RPS6KA3: variants seen among roughly 807,000 people sequenced by gnomAD.
The protein encoded by RPS6KA3 is ribosomal protein S6 kinase A3.
RPS6KA3 carries 4 observed loss-of-function variants against 67.2 expected under a neutral mutation model. The ratio of observed to expected loss-of-function variants is 0.06; its 90% CI spans 0.03 to 0.14. The LOEUF is 0.14. Among genes scored for constraint, RPS6KA3 ranks in the 10% least tolerant of loss-of-function variants. The pLI, the probability that RPS6KA3 is intolerant of heterozygous loss-of-function variation, is 1.00. For missense variants in RPS6KA3, 204 were observed against 559.0 expected (o/e 0.36, Z 6.40); for synonymous variants, 182 against 183.7 (o/e 0.99, Z 0.07).
chrX:20,222,063 G>A (rs1203839554), intron 2 of RPS6KA3, among the ~76,000 whole-genome samples: 1 of 112,812 alleles, frequency 8.9e-6, no homozygotes, highest in Non-Finnish European at 1.9e-5. Context: ...GCCGAGTTGA[G>A]TATTTGCAAG....
intron 2 of RPS6KA3, among the ~76,000 whole-genome samples, chrX:20,225,130 G>A (rs1353626167): frequency 1.8e-5 from 2 of 110,233 alleles, no homozygotes; most frequent in Non-Finnish European, 3.8e-5. Context: ...CACTGAAACT[G>A]AAGGAATGGG....
At chrX:20,230,596 A>G (rs2069234537) in intron 2 of RPS6KA3, among the ~76,000 whole-genome samples, 1 of 111,411 alleles carries the variant, frequency 9.0e-6, no homozygotes, top group Non-Finnish European at 1.9e-5. Context: ...GCGGCTAGAG[A>G]GGATGTGGAG....
At chrX:20,224,184 G>A (rs1425501209) in intron 2 of RPS6KA3, among the ~76,000 whole-genome samples, 1 of 111,472 alleles carries the variant, frequency 9.0e-6, no homozygotes, top group Non-Finnish European at 1.9e-5. Context: ...TTTGGATGTG[G>A]AAGTGGTCAT....
chrX:20,165,383 C>T (rs956218376), intron 17 of RPS6KA3, among the ~76,000 whole-genome samples: 2 of 111,410 alleles, frequency 1.8e-5, no homozygotes, highest in African/African-American at 6.5e-5. Context: ...TATCATGTAC[C>T]AGGGTATTAT....
chrX:20,176,358 G>A lies in RPS6KA3; in HGVS notation c.1000-6C>T. The A allele has an allele frequency of 8.7e-7, 1 of 1,147,662 alleles. No homozygotes were observed. Among genetic ancestry groups the A allele is most frequent in the East Asian group, 3.0e-5 (1 of 33,501 alleles). The allele number at this position is 1,147,662 out of a possible 1,213,427, so 94.6% of individuals were successfully genotyped here. A position where few individuals can be genotyped will look rare whatever the true frequency, so the allele number is the denominator to read the frequency against. ...ATTTCTCTTCTATACAGTTTCTGGA[G>A]GGGAAAAAAAAAAGAGACTTAGACA... On this transcript the variant is annotated splice_polypyrimidine_tract_variant and splice_region_variant and intron_variant, in intron 12 of 21. Coordinates refer to ENST00000379565, the MANE Select transcript of RPS6KA3 (RefSeq NM_004586.3).
At chrX:20,250,761 T>A (rs930266431) in intron 1 of RPS6KA3, among the ~76,000 whole-genome samples, 4 of 111,837 alleles carry the variant, frequency 3.6e-5, no homozygotes, top group Non-Finnish European at 5.6e-5. Flanking sequence ...GTTGTTAGAT[T>A]TGTTTTGCTA....
intron 3 of RPS6KA3, among the ~76,000 whole-genome samples, chrX:20,205,704 A>G (rs1170472297): frequency 5.4e-5 from 6 of 111,927 alleles, no homozygotes; most frequent in Non-Finnish European, 1.1e-4. Context: ...GTAATCAGAG[A>G]TTATTAATAT....
intron 10 of RPS6KA3, among the ~76,000 whole-genome samples, chrX:20,178,636 CTTTT>C (rs757383642): frequency 1.8e-4 from 7 of 39,441 alleles, no homozygotes; most frequent in South Asian, 1.3e-3. Flanking sequence ...CCACACCTGG[CTTTT>C]TTTTTTTTTT....
intron 10 of RPS6KA3, among the ~76,000 whole-genome samples, chrX:20,184,653 C>A (rs1400947927): frequency 3.6e-5 from 4 of 110,620 alleles, no homozygotes; most frequent in Non-Finnish European, 7.6e-5. Flanking sequence ...CTCAAGCAAT[C>A]TGCCCACTTC....
intron 2 of RPS6KA3, among the ~76,000 whole-genome samples, chrX:20,219,942 C>T (rs964203423): frequency 2.7e-5 from 3 of 111,480 alleles, no homozygotes; most frequent in African/African-American, 6.5e-5. Flanking sequence ...AATAAAAGCA[C>T]GGAATTTTCA....
intron 18 of RPS6KA3, among the ~76,000 whole-genome samples, 168 bp from the exon 19 acceptor site, chrX:20,163,208 CTAA>C (rs1242700457): frequency 1.8e-5 from 2 of 111,954 alleles, no homozygotes; most frequent in Admixed American, 9.5e-5. Flanking sequence ...CATTCTACTA[CTAA>C]TAATTCATAA....
At chrX:20,254,088 A>G (rs1042815151) in intron 1 of RPS6KA3, among the ~76,000 whole-genome samples, 1 of 112,113 alleles carries the variant, frequency 8.9e-6, no homozygotes, top group African/African-American at 3.2e-5. Context: ...GCCAGCAGGA[A>G]CTTGAAGGAA....
In RPS6KA3 at chrX:20,255,561, C is replaced by T. The variant is rs111833652; in HGVS notation, c.69+11003G>A. On this transcript the variant is annotated intron_variant, in intron 1 of 21. Transcript: ENST00000379565. ...CAGCATTTTGGGAGGCCAAGGCGGGCGGATCACCTGAGGCCAGAAGTTCGA... is the reference window on the plus strand; with the variant it reads ...CAGCATTTTGGGAGGCCAAGGCGGGTGGATCACCTGAGGCCAGAAGTTCGA... Among the ~76,000 whole-genome samples, 409 of 109,823 alleles carry T rather than the reference C, an allele frequency of 3.7e-3. 4 individuals carry two copies. Among genetic ancestry groups the T allele is most frequent in the African/African-American group, 0.013 (389 of 30,144 alleles).
In RPS6KA3 at chrX:20,165,118, T is replaced by A. The variant is rs907659284; in HGVS notation, c.1603-58A>T. ...ACAATATATTTCCATTACTGAAAGT[T>A]CTTTATTCACAAACTGTCAAGCAAT... On this transcript the variant is annotated intron_variant, in intron 17 of 21. Coordinates refer to ENST00000379565, the MANE Select transcript of RPS6KA3 (RefSeq NM_004586.3). 7.4e-6 allele frequency: 7 copies of A among 945,748 alleles called. No homozygotes were observed. The African/African-American group carries it at 1.1e-4, about 16-fold the overall frequency. 77.9% of individuals were successfully genotyped at this position (945,748 alleles called of 1,213,427 possible). A position where few individuals can be genotyped will look rare whatever the true frequency, so the allele number is the denominator to read the frequency against.
chrX:20,240,034 T>C (rs2069509775), intron 1 of RPS6KA3, among the ~76,000 whole-genome samples: 1 of 110,416 alleles, frequency 9.1e-6, no homozygotes, highest in Non-Finnish European at 1.9e-5. Flanking sequence ...CAGCAGGAGA[T>C]CATCATGTAT....
Position 20,178,636 on chromosome X carries a change from C to CTT in RPS6KA3, c.846-1554_846-1553dup, listed in dbSNP as rs757383642. Among the ~76,000 whole-genome samples, 367 of 39,453 alleles carry CTT rather than the reference C, an allele frequency of 9.3e-3. 27 individuals are homozygous for CTT. The highest frequency in any genetic ancestry group is 0.012 in the Non-Finnish European group (245 of 21,107). 34.3% of individuals were successfully genotyped at this position (39,453 alleles called of 115,157 possible). A position where few individuals can be genotyped will look rare whatever the true frequency, so the allele number is the denominator to read the frequency against. On this transcript the variant is annotated intron_variant, in intron 10 of 21. Coordinates refer to ENST00000379565, the MANE Select transcript of RPS6KA3 (RefSeq NM_004586.3). ...TACAGGTGTGTGCTACCACACCTGGCTTTTTTTTTTTTTTTTTTTTTTTTT... is the reference window on the plus strand; with the variant it reads ...TACAGGTGTGTGCTACCACACCTGGCTTTTTTTTTTTTTTTTTTTTTTTTTTT...
In RPS6KA3 at chrX:20,150,319, A is replaced by AT. The variant is rs1256763334; in HGVS notation, c.*5078dup. Reference sequence around the variant, plus strand: ...GTGATTTTTTTCTTTTTTAAAAACTATTTAAGTAGGCACCCACCCCATTCC... The same window carrying AT: ...GTGATTTTTTTCTTTTTTAAAAACTATTTTAAGTAGGCACCCACCCCATTCC... On this transcript the variant is annotated 3_prime_UTR_variant, in exon 22 of 22. Transcript: ENST00000379565. 1 of 112,764 alleles carries AT rather than the reference A, an allele frequency of 8.9e-6. No homozygotes were observed. The highest frequency in any genetic ancestry group is 2.8e-4 in the East Asian group (1 of 3,635). 9.3% of individuals were successfully genotyped at this position (112,764 alleles called of 1,213,427 possible). A position where few individuals can be genotyped will look rare whatever the true frequency, so the allele number is the denominator to read the frequency against.
intron 2 of RPS6KA3, among the ~76,000 whole-genome samples, chrX:20,214,841 CTTT>C (rs753632500): frequency 1.1e-5 from 1 of 90,344 alleles, no homozygotes; most frequent in Non-Finnish European, 2.2e-5. Context: ...TTCTTTTTTT[CTTT>C]TTTTTTTTTT....
chrX:20,194,509 A>G (rs1014288982), intron 5 of RPS6KA3, among the ~76,000 whole-genome samples: 2 of 111,362 alleles, frequency 1.8e-5, no homozygotes, highest in Admixed American at 9.6e-5. Flanking sequence ...ATAGTTCTAA[A>G]CCCATGATAC....
Sources: gnomAD v4.1 joint callset for allele counts (sites outside exome capture counted in the v4.1 genomes callset) on GRCh38, gnomAD v4.1.1 for gene constraint, MANE v1.5 for transcripts, NCBI Gene and HGNC (gene_info 2026-07-23, HGNC 2026-07-21) for gene names.